Variants in L2HGDH observed in about 807,000 individuals in gnomAD.
L2HGDH encodes the protein L-2-hydroxyglutarate dehydrogenase.
A neutral mutation model predicts 51.5 loss-of-function variants in L2HGDH; 34 were observed. The observed-to-expected ratio is 0.66, with a 90% CI of 0.50 to 0.88. L2HGDH has a LOEUF of 0.88. Among genes scored for constraint, L2HGDH ranks in the 40% least tolerant of loss-of-function variants. The probability of loss-of-function intolerance (pLI) is 0.00; values close to 1 mark genes in which losing one functional copy is unlikely to be tolerated. For missense variants in L2HGDH, 558 were observed against 571.9 expected (o/e 0.98, Z 0.25); for synonymous variants, 198 against 197.9 (o/e 1.00, Z -0.01).
intron 1 of L2HGDH, among the ~76,000 whole-genome samples, chr14:50,309,091 C>T (rs909366760): frequency 2.0e-5 from 3 of 152,022 alleles, no homozygotes; most frequent in Admixed American, 1.3e-4. Flanking sequence ...GTATTTTTTT[C>T]CCACGTCTTG....
At chr14:50,288,954 T>C (rs1357336558) in intron 4 of L2HGDH, among the ~76,000 whole-genome samples, 1 of 152,202 alleles carries the variant, frequency 6.6e-6, no homozygotes, top group Non-Finnish European at 1.5e-5. Flanking sequence ...TTTAACACAC[T>C]CAATAGTTTT....
rs545358648 is a variant in L2HGDH at position 50,245,573 on chromosome 14, C to T, written c.*1485G>A. ...TAAATTTTATGTATTTTCTTGAAAT[C>T]ATGAATTTTTAATTTCCAAATACAA... is the stretch of plus-strand genomic sequence containing the variant. On this transcript the variant is annotated 3_prime_UTR_variant, in exon 10 of 10. Coordinates refer to ENST00000267436, the MANE Select transcript of L2HGDH (RefSeq NM_024884.3). The T allele has an allele frequency of 2.1e-6, 2 of 969,720 alleles. No individual in the cohort carries two copies. Among genetic ancestry groups the T allele is most frequent in the Admixed American group, 1.2e-4 (2 of 16,244 alleles). The allele number at this position is 969,720 out of a possible 1,614,324, so 60.1% of individuals were successfully genotyped here.
At chr14:50,257,944 T>C (rs1019765593) in intron 9 of L2HGDH, among the ~76,000 whole-genome samples, 1 of 151,804 alleles carries the variant, frequency 6.6e-6, no homozygotes, top group Non-Finnish European at 1.5e-5. Flanking sequence ...AGTACGACTT[T>C]ATCTGTGGGA....
intron 9 of L2HGDH, among the ~76,000 whole-genome samples, chr14:50,257,265 T>C (rs1888722931): frequency 6.6e-6 from 1 of 152,164 alleles, no homozygotes; most frequent in Admixed American, 6.6e-5. Flanking sequence ...ATCTTTATCT[T>C]GCAGTATTGC....
At chr14:50,311,957 T>C (rs1301173006) in intron 1 of L2HGDH, 54 bp downstream of exon 1, 1 of 1,538,488 alleles carries the variant, frequency 6.5e-7, no homozygotes. Context: ...CACCACCAGG[T>C]GCCTCCGCGA....
intron 7 of L2HGDH, 34 bp downstream of exon 7, chr14:50,269,129 A>C: frequency 6.3e-6 from 10 of 1,579,206 alleles, no homozygotes; most frequent in Non-Finnish European, 8.7e-6. Context: ...CACCTGCTTG[A>C]AAAAAATGAG....
intron 6 of L2HGDH, among the ~76,000 whole-genome samples, chr14:50,271,219 G>A (rs1394947376): frequency 6.6e-6 from 1 of 152,188 alleles, no homozygotes; most frequent in Non-Finnish European, 1.5e-5. Context: ...CTAGAAATAT[G>A]AGAAGTATTT....
intron 9 of L2HGDH, among the ~76,000 whole-genome samples, chr14:50,250,004 C>T (rs906618710): frequency 2.0e-5 from 3 of 147,554 alleles, no homozygotes; most frequent in Admixed American, 6.9e-5. Context: ...TGGGCTCAAG[C>T]GATTCTCCTG....
chr14:50,266,306 G>A (rs910796617), intron 8 of L2HGDH, among the ~76,000 whole-genome samples: 2 of 152,122 alleles, frequency 1.3e-5, no homozygotes, highest in Admixed American at 1.3e-4. Context: ...AAAGAAATGG[G>A]ACATCTACCC....
At chr14:50,293,126 A>G in intron 4 of L2HGDH, 1 of 662,148 alleles carries the variant, frequency 1.5e-6, no homozygotes, top group Non-Finnish European at 2.7e-6. Context: ...AAAAATGGCT[A>G]TTATAATTAA....
intron 6 of L2HGDH, among the ~76,000 whole-genome samples, chr14:50,274,142 G>T (rs1184679454): frequency 6.6e-6 from 1 of 152,042 alleles, no homozygotes; most frequent in African/African-American, 2.4e-5. Context: ...AGCCGGGCAT[G>T]GCAGCACGTG....
intron 9 of L2HGDH, among the ~76,000 whole-genome samples, chr14:50,252,271 T>A (rs1411939161): frequency 6.6e-6 from 1 of 151,530 alleles, no homozygotes; most frequent in Non-Finnish European, 1.5e-5. Flanking sequence ...ACAATGGATA[T>A]CAAAAAATTA....
intron 3 of L2HGDH, among the ~76,000 whole-genome samples, chr14:50,298,210 C>T (rs1487503019): frequency 6.7e-6 from 1 of 148,436 alleles, no homozygotes; most frequent in Admixed American, 6.7e-5. Flanking sequence ...CACCATTGCA[C>T]TCCAGGCTGG....
chr14:50,269,477 G>A, intron 6 of L2HGDH, 147 bp from the exon 7 acceptor site: 2 of 720,296 alleles, frequency 2.8e-6, no homozygotes, highest in East Asian at 2.7e-5. Flanking sequence ...AGCAAAATAT[G>A]TTCTTTAGCA....
At chr14:50,296,564 C>A in intron 3 of L2HGDH, among the ~76,000 whole-genome samples, 2 of 143,208 alleles carry the variant, frequency 1.4e-5, no homozygotes, top group East Asian at 2.0e-4. Flanking sequence ...AAACCTATAA[C>A]ACATGAAGTG....
intron 9 of L2HGDH, among the ~76,000 whole-genome samples, chr14:50,256,886 A>G (rs1162488587): frequency 6.6e-6 from 1 of 152,140 alleles, no homozygotes; most frequent in Non-Finnish European, 1.5e-5. Context: ...ATTTCTCTGT[A>G]ACACCTATGA....
Position 50,309,815 on chromosome 14 carries a change from T to A in L2HGDH, c.140+2196A>T, listed in dbSNP as rs112083596. Reference sequence around the variant, plus strand: ...CTCCTGCCTCAGCCCCACAAGTGGCTGGGACTACAGGAGCAAGCCACCACA... The same window carrying A: ...CTCCTGCCTCAGCCCCACAAGTGGCAGGGACTACAGGAGCAAGCCACCACA... On this transcript the variant is annotated intron_variant, in intron 1 of 9. Transcript: ENST00000267436. 7.4e-3 allele frequency among the ~76,000 whole-genome samples: 1,131 copies of A among 151,964 alleles called. 16 individuals carry two copies. Among genetic ancestry groups the A allele is most frequent in the African/African-American group, 0.025 (1,035 of 41,436 alleles).
rs1411242669 is a variant in L2HGDH at position 50,294,114 on chromosome 14, C to T, written c.540+1G>A. 2 of 1,613,794 alleles carry T rather than the reference C, an allele frequency of 1.2e-6. No homozygotes were observed. Among genetic ancestry groups the T allele is most frequent in the Non-Finnish European group, 1.7e-6 (2 of 1,179,796 alleles). ...AAAACATCCCTTTGTTAATCACTTA[C>T]CCTACAATATGGCTCCTTCTTTTTT... On this transcript the variant is annotated splice_donor_variant, in intron 4 of 9. Transcript: ENST00000267436. LOFTEE classifies it high-confidence loss of function.
intron 4 of L2HGDH, 63 bp downstream of exon 4, chr14:50,294,052 C>A (rs1309737342): frequency 1.7e-5 from 27 of 1,565,648 alleles, no homozygotes; most frequent in Non-Finnish European, 2.4e-5. Context: ...TATACACTCA[C>A]CCTCAGCCTC....
Sources: gnomAD v4.1 joint callset for allele counts (sites outside exome capture counted in the v4.1 genomes callset) on GRCh38, gnomAD v4.1.1 for gene constraint, MANE v1.5 for transcripts, NCBI Gene and HGNC (gene_info 2026-07-23, HGNC 2026-07-21) for gene names.